Variants in EVI5 observed in about 807,000 individuals in gnomAD.
EVI5 encodes ecotropic viral integration site 5, also known as ecotropic viral integration site 5 protein homolog.
Under a neutral mutation model 112.0 loss-of-function variants are expected in EVI5, and 73 were observed. The ratio of observed to expected loss-of-function variants is 0.65; its 90% CI spans 0.54 to 0.79. The LOEUF is 0.79. Ranked by LOEUF, EVI5 falls within the 30% of genes least tolerant of loss-of-function variation. The pLI is 0.00. For missense variants in EVI5, 900 were observed against 968.8 expected, an observed-to-expected ratio of 0.93 and a Z score of 0.94; for synonymous variants, 305 against 319.9, an observed-to-expected ratio of 0.95 and a Z score of 0.50.
At chr1:92,705,020 A>C (rs1671752622) in intron 2 of EVI5, among the ~76,000 whole-genome samples, 1 of 152,210 alleles carries the variant, frequency 6.6e-6, no homozygotes, top group Non-Finnish European at 1.5e-5. Context: ...TCCATTAAAA[A>C]TTCAAATTAG....
intron 19 of EVI5, among the ~76,000 whole-genome samples, chr1:92,543,774 A>G (rs1665224473): frequency 6.6e-6 from 1 of 152,248 alleles, no homozygotes; most frequent in African/African-American, 2.4e-5. Flanking sequence ...AAGTTTAAAA[A>G]ATTGTGAAAA....
intron 16 of EVI5, among the ~76,000 whole-genome samples, chr1:92,620,302 C>T (rs1654243914): frequency 6.8e-6 from 1 of 146,986 alleles, no homozygotes; most frequent in African/African-American, 2.5e-5. Flanking sequence ...GCTGAGATCA[C>T]ACCATTGCAC....
intron 19 of EVI5, among the ~76,000 whole-genome samples, chr1:92,542,322 C>T (rs1477506181): frequency 6.6e-6 from 1 of 152,080 alleles, no homozygotes; most frequent in Non-Finnish European, 1.5e-5. Context: ...CAAGTTTGAT[C>T]ATGAGATTGC....
rs978546695 is a variant in EVI5 at position 92,509,701 on chromosome 1, G to T, written c.*3955C>A. 7.2e-5 allele frequency: 11 copies of T among 152,082 alleles called. No individual in the cohort carries two copies. The highest frequency in any genetic ancestry group is 2.7e-4 in the African/African-American group (11 of 41,422). 9.4% of individuals were successfully genotyped at this position (152,082 alleles called of 1,614,324 possible). On this transcript the variant is annotated 3_prime_UTR_variant, in exon 20 of 20. Coordinates refer to ENST00000684568, the MANE Select transcript of EVI5 (RefSeq NM_001350197.2). ...GTTGAAGTGTTTTCTTGATCTAAAA[G>T]TGTCTGTTTCATTAACTCAATGCAA... is the stretch of plus-strand genomic sequence containing the variant.
chr1:92,582,855 A>G (rs1672158602), intron 18 of EVI5, among the ~76,000 whole-genome samples: 1 of 152,170 alleles, frequency 6.6e-6, no homozygotes, highest in South Asian at 2.1e-4. Context: ...TAAAAAGTGA[A>G]CTCATATCCT....
chr1:92,718,238 A>G (rs1165655148), intron 2 of EVI5, among the ~76,000 whole-genome samples: 2 of 152,212 alleles, frequency 1.3e-5, no homozygotes, highest in Non-Finnish European at 2.9e-5. Context: ...AACAGAATAT[A>G]CATTCTTCTC....
At position 92,625,954 on chromosome 1, in the gene EVI5, A is replaced by T; in HGVS notation, c.1528-20T>A. 1 of 1,538,104 alleles carries T rather than the reference A, an allele frequency of 6.5e-7. No homozygotes were observed. Among genetic ancestry groups the T allele is most frequent in the Non-Finnish European group, 9.0e-7 (1 of 1,117,122 alleles). ...ATTCCTCTAAAGAAGAAGAAAATTT[A>T]ATTTGGGATTTTTAAATTTAAGGAA... On this transcript the variant is annotated intron_variant, in intron 14 of 19. Transcript: ENST00000684568.
intron 13 of EVI5, among the ~76,000 whole-genome samples, chr1:92,650,745 G>T (rs1171312970): frequency 6.6e-6 from 1 of 151,454 alleles, no homozygotes; most frequent in Non-Finnish European, 1.5e-5. Flanking sequence ...TTTTATCTCT[G>T]TTATTTGCTA....
In EVI5 at chr1:92,624,215, T is replaced by G; in HGVS notation, c.1788A>C (p.Ile596=). 1 of 1,613,954 alleles carries G rather than the reference T, an allele frequency of 6.2e-7. No individual in the cohort carries two copies. Among genetic ancestry groups the G allele is most frequent in the Non-Finnish European group, 8.5e-7 (1 of 1,179,858 alleles). ...RLREAETQAE[I]REIKQRMMEM... ...CCATCATCCTTTGTTTTATTTCTCT[T>G]ATTTCTGCTTGTGTTTCAGCTTCTC... is the stretch of plus-strand genomic sequence containing the variant. Residue 596 remains isoleucine (I), a synonymous_variant, in exon 16 of 20, where the codon ATA becomes ATC. Transcript: ENST00000684568.
intron 13 of EVI5, among the ~76,000 whole-genome samples, chr1:92,650,549 C>G (rs1056982581): frequency 6.6e-6 from 1 of 151,960 alleles, no homozygotes; most frequent in Non-Finnish European, 1.5e-5. Flanking sequence ...GTATTTAAAG[C>G]AAATTTCTTA....
intron 19 of EVI5, among the ~76,000 whole-genome samples, chr1:92,558,902 A>C (rs1557783519): frequency 6.6e-6 from 1 of 151,730 alleles, no homozygotes; most frequent in Non-Finnish European, 1.5e-5. Context: ...AACCAAAAAA[A>C]CCCCTAACAA....
intron 18 of EVI5, among the ~76,000 whole-genome samples, chr1:92,602,943 T>C (rs2101548363): frequency 6.6e-6 from 1 of 152,210 alleles, no homozygotes; most frequent in Middle Eastern, 3.4e-3. Context: ...TTGCAAACCA[T>C]ATATATGATA....
At chr1:92,608,721 G>GAGAAAAAAAAAGGAAAGGA in intron 16 of EVI5, among the ~76,000 whole-genome samples, 1 of 146,456 alleles carries the variant, frequency 6.8e-6, no homozygotes, top group South Asian at 2.2e-4. Context: ...AAAAGGAAAG[G>GAGAAAAAAAAAGGAAAGGA]AAAAAAAAAA....
At chr1:92,783,764 G>C (rs1357162601) in intron 1 of EVI5, among the ~76,000 whole-genome samples, 1 of 143,240 alleles carries the variant, frequency 7.0e-6, no homozygotes, top group Non-Finnish European at 1.5e-5. Flanking sequence ...GTGAACCAAC[G>C]TCGCCACTGC....
At chr1:92,733,226 A>C (rs191500365) in intron 2 of EVI5, 1 of 218,848 alleles carries the variant, frequency 4.6e-6, no homozygotes, top group Admixed American at 4.2e-5. Flanking sequence ...ATGATGAATG[A>C]TAATTTTGTA....
At position 92,509,684 on chromosome 1, in the gene EVI5, G is replaced by A. The variant is rs1413574099; in HGVS notation, c.*3972C>T. On this transcript the variant is annotated 3_prime_UTR_variant, in exon 20 of 20. Transcript: ENST00000684568. ...CAATTTCTAAAAAGGCTGTTGAAGTGTTTTCTTGATCTAAAAGTGTCTGTT... is the reference window on the plus strand; with the variant it reads ...CAATTTCTAAAAAGGCTGTTGAAGTATTTTCTTGATCTAAAAGTGTCTGTT... 1 of 152,054 alleles carries A rather than the reference G, an allele frequency of 6.6e-6. No individual in the cohort carries two copies. Among genetic ancestry groups the A allele is most frequent in the Non-Finnish European group, 1.5e-5 (1 of 68,022 alleles). The allele number at this position is 152,054 out of a possible 1,614,324, so 9.4% of individuals were successfully genotyped here.
At chr1:92,590,763 T>C (rs1419607214) in intron 18 of EVI5, among the ~76,000 whole-genome samples, 3 of 152,006 alleles carry the variant, frequency 2.0e-5, no homozygotes, top group Admixed American at 1.3e-4. Flanking sequence ...ATACAGAGAA[T>C]GCCACAAAGA....
At chr1:92,750,921 C>T (rs375319886) in intron 1 of EVI5, among the ~76,000 whole-genome samples, 1 of 152,094 alleles carries the variant, frequency 6.6e-6, no homozygotes, top group African/African-American at 2.4e-5. Context: ...GAGGCCGAGG[C>T]GGGCGGATCA....
intron 14 of EVI5, among the ~76,000 whole-genome samples, chr1:92,631,231 C>T (rs1009407554): frequency 2.6e-4 from 39 of 152,182 alleles, no homozygotes; most frequent in African/African-American, 4.6e-4. Context: ...TCATTGGTAG[C>T]TTGATGGGGA....
Sources: gnomAD v4.1 joint callset for allele counts (sites outside exome capture counted in the v4.1 genomes callset) on GRCh38, gnomAD v4.1.1 for gene constraint, MANE v1.5 for transcripts, NCBI Gene and HGNC (gene_info 2026-07-23, HGNC 2026-07-21) for gene names.